The following SV2B variants were observed in gnomAD, a reference collection of about 807,000 sequenced individuals.
SV2B encodes solute carrier family 22 member B2.
In SV2B, 41 loss-of-function variants were observed where a neutral mutation model predicts 73.9. The ratio of observed to expected loss-of-function variants is 0.56; its 90% CI spans 0.43 to 0.72. The LOEUF (loss-of-function observed/expected upper bound fraction) is 0.72. SV2B is among the 30% of genes least tolerant of loss of function. The pLI is 0.00. For missense variants in SV2B, 764 were observed against 857.8 expected (o/e 0.89, Z 1.37); for synonymous variants, 314 against 314.2 (o/e 1.00, Z 0.01).
At chr15:91,158,074 T>A (rs557349019) in intron 1 of SV2B, among the ~76,000 whole-genome samples, 2 of 152,332 alleles carry the variant, frequency 1.3e-5, no homozygotes, top group South Asian at 4.1e-4. Flanking sequence ...TTTGTTTACC[T>A]GTTGCTGTGG....
In SV2B at chr15:91,218,538, CATT is replaced by C. The variant is rs561983387; in HGVS notation, c.-391-7333_-391-7331del. ...ACAAAGCTGACACATATGAATATCT[CATT>C]AGTACCCGTCTGAGTGTGTTGACTC... On this transcript the variant is annotated intron_variant, in intron 1 of 12. Transcript: ENST00000394232. Among the ~76,000 whole-genome samples the C allele has an allele frequency of 9.9e-5, 15 of 152,248 alleles. No individual in the cohort carries two copies. The South Asian group carries it at 3.1e-3, about 32-fold the overall frequency.
intron 1 of SV2B, among the ~76,000 whole-genome samples, chr15:91,175,893 T>A (rs1158137892): frequency 4.0e-5 from 6 of 151,772 alleles, no homozygotes; most frequent in Admixed American, 6.6e-5. Flanking sequence ...ATTTTCTTTT[T>A]TTATTATTAT....
chr15:91,257,695 C>G (rs932118512), intron 4 of SV2B, among the ~76,000 whole-genome samples: 9 of 152,178 alleles, frequency 5.9e-5, no homozygotes, highest in African/African-American at 1.7e-4. Context: ...AGAGGGATCA[C>G]CAATAGAAGC....
chr15:91,229,124 C>T lies in SV2B; in HGVS notation c.451+2410C>T, dbSNP rs1435739198. 6.6e-6 allele frequency among the ~76,000 whole-genome samples: 1 copy of T among 152,226 alleles called. No homozygotes were observed. Among genetic ancestry groups the T allele is most frequent in the East Asian group, 1.9e-4 (1 of 5,198 alleles). On this transcript the variant is annotated intron_variant, in intron 2 of 12. Coordinates refer to ENST00000394232, the MANE Select transcript of SV2B (RefSeq NM_001323032.3). This position sits in a 1 kb window ranked among gnomAD's most constrained non-coding sequence, Gnocchi z 4.3. ...GAGGTCATGCCGTGCACAGGCTGCTCTCTGTGTCATCAAGCACCTCATAGA... is the reference window on the plus strand; with the variant it reads ...GAGGTCATGCCGTGCACAGGCTGCTTTCTGTGTCATCAAGCACCTCATAGA...
chr15:91,160,815 G>GA (rs1434422319), intron 1 of SV2B, among the ~76,000 whole-genome samples: 7 of 149,816 alleles, frequency 4.7e-5, no homozygotes, highest in Non-Finnish European at 7.4e-5. Flanking sequence ...TACACATTTA[G>GA]AAAAAAAAAT....
rs569200080 is a variant in SV2B, at chr15:91,135,422, C to T, written c.-392+35059C>T. Among the ~76,000 whole-genome samples the T allele has an allele frequency of 2.6e-5, 4 of 152,348 alleles. No homozygotes were observed. In the East Asian group the frequency reaches 7.7e-4, roughly 29 times the overall value. ...ATACTTCTCAGTTGACAGCTACCTACATGGTGGTGAGGGGAACAACCATGA... is the reference window on the plus strand; with the variant it reads ...ATACTTCTCAGTTGACAGCTACCTATATGGTGGTGAGGGGAACAACCATGA... On this transcript the variant is annotated intron_variant, in intron 1 of 12. Transcript: ENST00000394232.
At position 91,106,602 on chromosome 15, in the gene SV2B, A is replaced by G. The variant is rs2041890425; in HGVS notation, c.-392+6239A>G. Among the ~76,000 whole-genome samples, 1 of 152,224 alleles carries G rather than the reference A, an allele frequency of 6.6e-6. No homozygotes were observed. ...TGTGAAGGCTCCAATCGCTTATATC[A>G]TACGGAAAGCAACGTGTGGTGACAA... On this transcript the variant is annotated intron_variant, in intron 1 of 12. Transcript: ENST00000394232. This position sits in a 1 kb window ranked among gnomAD's most constrained non-coding sequence, Gnocchi z 4.4.
chr15:91,183,250 A>G (rs1276565240), intron 1 of SV2B, among the ~76,000 whole-genome samples: 2 of 152,226 alleles, frequency 1.3e-5, no homozygotes, highest in Non-Finnish European at 2.9e-5. Context: ...ACAAATTAGG[A>G]TTAAATTATC....
At position 91,118,111 on chromosome 15, in the gene SV2B, G is replaced by A. The variant is rs1392412810; in HGVS notation, c.-392+17748G>A. Among the ~76,000 whole-genome samples the A allele has an allele frequency of 1.3e-5, 2 of 152,104 alleles. No homozygotes were observed. The highest frequency in any genetic ancestry group is 4.8e-5 in the African/African-American group (2 of 41,418). Reference sequence around the variant, plus strand: ...TGGCCTGTAACAAATACTAGCTTGAGGTGAAACACTTTTTGTTCCCCATAA... The same window carrying A: ...TGGCCTGTAACAAATACTAGCTTGAAGTGAAACACTTTTTGTTCCCCATAA... On this transcript the variant is annotated intron_variant, in intron 1 of 12. Transcript: ENST00000394232. This position sits in a 1 kb window ranked among gnomAD's most constrained non-coding sequence, Gnocchi z 4.7.
intron 6 of SV2B, among the ~76,000 whole-genome samples, chr15:91,262,941 C>T (rs62026600): frequency 0.24 from 36,933 of 152,104 alleles, 4,984 homozygotes; most frequent in African/African-American, 0.35. Context: ...GAAGTCTAAG[C>T]TTCTCTCCGA....
rs1219525578 is a variant in SV2B at position 91,120,825 on chromosome 15, A to AG, written c.-392+20462_-392+20463insG. On this transcript the variant is annotated intron_variant, in intron 1 of 12. Coordinates refer to ENST00000394232, the MANE Select transcript of SV2B (RefSeq NM_001323032.3). ...AGAACCTGTCTCAAAAAAAAAAAAA[A>AG]AGAAAGAAAAAGTAAAAGAAACATT... is the stretch of plus-strand genomic sequence containing the variant. Among the ~76,000 whole-genome samples, 355 of 150,342 alleles carry AG rather than the reference A, an allele frequency of 2.4e-3. 3 individuals carry two copies. Among genetic ancestry groups the AG allele is most frequent in the African/African-American group, 8.1e-3 (331 of 40,976 alleles).
rs1596575193 is a variant in SV2B at position 91,203,453 on chromosome 15, C to T, written c.-391-22420C>T. Reference sequence around the variant, plus strand: ...TTATGTATTGAAGCATTTTAAAAAGCATCAAGAATGTTCTATTTAAATGCA... The same window carrying T: ...TTATGTATTGAAGCATTTTAAAAAGTATCAAGAATGTTCTATTTAAATGCA... On this transcript the variant is annotated intron_variant, in intron 1 of 12. Coordinates refer to ENST00000394232, the MANE Select transcript of SV2B (RefSeq NM_001323032.3). Among the ~76,000 whole-genome samples, 3 of 152,356 alleles carry T rather than the reference C, an allele frequency of 2.0e-5. No individual in the cohort carries two copies. In the Middle Eastern group the frequency reaches 0.01, roughly 518 times the overall value.
At chr15:91,166,784 G>GT (rs1241086387) in intron 1 of SV2B, among the ~76,000 whole-genome samples, 3 of 150,430 alleles carry the variant, frequency 2.0e-5, no homozygotes, top group African/African-American at 7.3e-5. Context: ...GTAATTTTTA[G>GT]TTTTTTTGTA....
rs2046317728 is a variant in SV2B at position 91,224,665 on chromosome 15, C to A, written c.-391-1208C>A. 6.6e-6 allele frequency among the ~76,000 whole-genome samples: 1 copy of A among 152,200 alleles called. No homozygotes were observed. ...CAGTGACCTGGTCCTAATGCTGTGA[C>A]CTTGATCGCGTTACTAACCCACTCG... On this transcript the variant is annotated intron_variant, in intron 1 of 12. Coordinates refer to ENST00000394232, the MANE Select transcript of SV2B (RefSeq NM_001323032.3). The surrounding 1 kb of genome is among the most constrained non-coding windows in gnomAD (Gnocchi z 4.9).
chr15:91,286,776 C>G (rs149467023), intron 11 of SV2B, among the ~76,000 whole-genome samples: 4 of 152,204 alleles, frequency 2.6e-5, no homozygotes, highest in Admixed American at 6.5e-5. Flanking sequence ...AACTCACTCA[C>G]GGTCACACAG....
intron 2 of SV2B, among the ~76,000 whole-genome samples, chr15:91,247,211 A>G (rs1336874783): frequency 5.3e-5 from 8 of 152,162 alleles, no homozygotes; most frequent in Admixed American, 5.2e-4. Flanking sequence ...GGAGACCAGA[A>G]ATGCAGTGCC....
At position 91,182,976 on chromosome 15, in the gene SV2B, T is replaced by C. The variant is rs139705020; in HGVS notation, c.-391-42897T>C. Among the ~76,000 whole-genome samples the C allele has an allele frequency of 3.1e-3, 470 of 152,334 alleles. 1 individual carries two copies. Among genetic ancestry groups the C allele is most frequent in the Admixed American group, 6.2e-3 (95 of 15,310 alleles). On this transcript the variant is annotated intron_variant, in intron 1 of 12. Transcript: ENST00000394232. ...ATTCACAGCCTCTTTTGAGTACCTG[T>C]TATGTGCCAGGAGCCAAGACAGGGC...
chr15:91,142,523 C>G (rs1038066699), intron 1 of SV2B, among the ~76,000 whole-genome samples: 1 of 152,102 alleles, frequency 6.6e-6, no homozygotes, highest in African/African-American at 2.4e-5. Context: ...AAGACTAGAT[C>G]AGGAGATATT....
In SV2B at chr15:91,245,875, G is replaced by A. The variant is rs1177700855; in HGVS notation, c.452-5944G>A. Among the ~76,000 whole-genome samples, 2 of 151,924 alleles carry A rather than the reference G, an allele frequency of 1.3e-5. No individual in the cohort carries two copies. Among genetic ancestry groups the A allele is most frequent in the Non-Finnish European group, 2.9e-5 (2 of 67,980 alleles). On this transcript the variant is annotated intron_variant, in intron 2 of 12. Coordinates refer to ENST00000394232, the MANE Select transcript of SV2B (RefSeq NM_001323032.3). This position sits in a 1 kb window ranked among gnomAD's most constrained non-coding sequence, Gnocchi z 4.2. The stretch of plus-strand genomic sequence containing the variant: ...AATTTTTTTTTTAACATTTTTAAAG[G>A]GTTGTAAATTTAGGAATAATAATAT...
Sources: gnomAD v4.1 joint callset for allele counts (sites outside exome capture counted in the v4.1 genomes callset) on GRCh38, gnomAD v4.1.1 for gene constraint, Gnocchi (gnomAD v3.1) non-coding constraint, MANE v1.5 for transcripts, NCBI Gene and HGNC (gene_info 2026-07-23, HGNC 2026-07-21) for gene names.